The following BCL9L variants were observed in gnomAD, a reference collection of about 807,000 sequenced individuals.
BCL9L encodes BCL9 like, also known as B-cell CLL/lymphoma 9-like protein.
Under a neutral mutation model 99.4 loss-of-function variants are expected in BCL9L, and 19 were observed. That is an observed-to-expected ratio of 0.19 (90% CI 0.13 to 0.28). The LOEUF (loss-of-function observed/expected upper bound fraction) is 0.28. Among genes scored for constraint, BCL9L ranks in the 10% least tolerant of loss-of-function variants. The pLI, the probability that BCL9L is intolerant of heterozygous loss-of-function variation, is 1.00. For missense variants in BCL9L, 2,023 were observed against 2,101.6 expected (o/e 0.96, Z 0.73); for synonymous variants, 900 against 854.8 (o/e 1.05, Z -0.92).
Position 118,903,334 on chromosome 11 carries a change from A to C in BCL9L, c.651T>G (p.Leu217=). Residue 217 remains leucine (L), a synonymous_variant, in exon 6 of 10, where the codon CTT becomes CTG. Coordinates refer to ENST00000683865, the MANE Select transcript of BCL9L (RefSeq NM_001378213.1). The surrounding 1 kb of genome is among the most constrained non-coding windows in gnomAD (Gnocchi z 5.6). ...CCCCGCCCCCAGGGGCATCAGGCCGAAGGCCAGGAGGAGGGCCGTGCGGGG... is the reference window on the plus strand; with the variant it reads ...CCCCGCCCCCAGGGGCATCAGGCCGCAGGCCAGGAGGAGGGCCGTGCGGGG... ...PGAPHGPPPG[L]RPDAPGGGGG... 6.3e-7 allele frequency: 1 copy of C among 1,592,174 alleles called. No individual in the cohort carries two copies. The highest frequency in any genetic ancestry group is 8.5e-7 in the Non-Finnish European group (1 of 1,170,472).
In BCL9L at chr11:118,900,688, C is replaced by G. The variant is rs752033363; in HGVS notation, c.3055G>C (p.Gly1019Arg). The change falls in exon 8 of 10, where the codon GGG becomes CGG. Residue 1019 changes from glycine to arginine, a missense_variant. Transcript: ENST00000683865. The surrounding 1 kb of genome is among the most constrained non-coding windows in gnomAD (Gnocchi z 5.3). ...ASPKTAMPSP[G>R]VSQNKQPPLN... ...GGCGGCTGCTTGTTCTGGGAGACCC[C>G]CGGGCTGGGCATGGCCGTCTTAGGT... is the stretch of plus-strand genomic sequence containing the variant. 1.2e-6 allele frequency: 2 copies of G among 1,613,564 alleles called. No homozygotes were observed. The highest frequency in any genetic ancestry group is 1.7e-6 in the Non-Finnish European group (2 of 1,179,964).
Position 118,914,368 on chromosome 11 carries a change from A to C in BCL9L, c.-76-4353T>G, listed in dbSNP as rs1443090383. 6.6e-6 allele frequency among the ~76,000 whole-genome samples: 1 copy of C among 151,980 alleles called. No individual in the cohort carries two copies. The highest frequency in any genetic ancestry group is 2.4e-5 in the African/African-American group (1 of 41,342). Reference sequence around the variant, plus strand: ...GCACAGCCAAGCGCACCACGGTGGGACCTCACCCAGCGCCCGCCCGCCTGC... The same window carrying C: ...GCACAGCCAAGCGCACCACGGTGGGCCCTCACCCAGCGCCCGCCCGCCTGC... On this transcript the variant is annotated intron_variant, in intron 2 of 9. Coordinates refer to ENST00000683865, the MANE Select transcript of BCL9L (RefSeq NM_001378213.1). This position sits in a 1 kb window ranked among gnomAD's most constrained non-coding sequence, Gnocchi z 4.4.
In BCL9L at chr11:118,899,226, G is replaced by T. The variant is rs867443189; in HGVS notation, c.3689C>A (p.Pro1230His). 46 of 1,509,724 alleles carry T rather than the reference G, an allele frequency of 3.0e-5. No homozygotes were observed. The highest frequency in any genetic ancestry group is 4.0e-5 in the Non-Finnish European group (45 of 1,130,400). The allele number at this position is 1,509,724 out of a possible 1,614,324, so 93.5% of individuals were successfully genotyped here. The change falls in exon 10 of 10, where the codon CCT (proline) becomes CAT (histidine). Residue 1230 changes from proline to histidine, a missense_variant. Transcript: ENST00000683865. ...PSSSQMMPFP[P>H]RLQQPHGAMA... is the part of the protein sequence containing the mutation. ...GGCACCATGGGGCTGCTGCAGCCGAGGGGGGAAGGGCATCATCTGGGAGGA... is the reference window on the plus strand; with the variant it reads ...GGCACCATGGGGCTGCTGCAGCCGATGGGGGAAGGGCATCATCTGGGAGGA...
rs1940115186 is a variant in BCL9L, at chr11:118,899,604, C to T, written c.3407-96G>A. 11 of 1,475,348 alleles carry T rather than the reference C, an allele frequency of 7.5e-6. No homozygotes were observed. In the South Asian group the frequency reaches 1.2e-4, roughly 17 times the overall value. 91.4% of individuals were successfully genotyped at this position (1,475,348 alleles called of 1,614,324 possible). A position where few individuals can be genotyped will look rare whatever the true frequency, so the allele number is the denominator to read the frequency against. On this transcript the variant is annotated intron_variant, in intron 9 of 9. Transcript: ENST00000683865. ...TCCCCACTCCCAAGCCAGGGGGTGC[C>T]AGAGGTCAAAGTCTTCACCACTGGC...
Position 118,922,639 on chromosome 11 carries a change from C to T in BCL9L, c.-131+2599G>A, listed in dbSNP as rs1021587339. Among the ~76,000 whole-genome samples the T allele has an allele frequency of 1.3e-5, 2 of 152,012 alleles. No homozygotes were observed. The highest frequency in any genetic ancestry group is 2.4e-5 in the African/African-American group (1 of 41,396). On this transcript the variant is annotated intron_variant, in intron 1 of 9. Coordinates refer to ENST00000683865, the MANE Select transcript of BCL9L (RefSeq NM_001378213.1). The surrounding 1 kb of genome is among the most constrained non-coding windows in gnomAD (Gnocchi z 6.2). ...CTGCCCGCGGCACCCAGCCTGTACC[C>T]GCTTGGCTCCCACGGCTGCCCACTT...
At chr11:118,904,907 C>G (rs144744969) in intron 5 of BCL9L, among the ~76,000 whole-genome samples, 1 of 152,314 alleles carries the variant, frequency 6.6e-6, no homozygotes, top group Non-Finnish European at 1.5e-5. Context: ...AGCTTGAGAG[C>G]TGACCTCAAT....
rs951197036 is a variant in BCL9L at position 118,900,704 on chromosome 11, C to T, written c.3039G>A (p.Thr1013=). 7 of 1,613,894 alleles carry T rather than the reference C, an allele frequency of 4.3e-6. No homozygotes were observed. The highest frequency in any genetic ancestry group is 5.9e-6 in the Non-Finnish European group (7 of 1,180,008). ...GGGAGACCCCCGGGCTGGGCATGGC[C>T]GTCTTAGGTGAGGCAACCCAGCCTG... ...PSPGWVASPK[T]AMPSPGVSQN... The change falls in exon 8 of 10, where the codon ACG becomes ACA. Residue 1013 remains threonine, a synonymous_variant. Coordinates refer to ENST00000683865, the MANE Select transcript of BCL9L (RefSeq NM_001378213.1). The surrounding 1 kb of genome is among the most constrained non-coding windows in gnomAD (Gnocchi z 5.3).
intron 1 of BCL9L, among the ~76,000 whole-genome samples, chr11:118,920,866 G>A (rs1941117949): frequency 6.6e-6 from 1 of 152,150 alleles, no homozygotes; most frequent in Non-Finnish European, 1.5e-5. Flanking sequence ...CCTATCAAAG[G>A]GCAGAGGACT....
chr11:118,908,459 C>G lies in BCL9L; in HGVS notation c.223G>C (p.Val75Leu), dbSNP rs201676731. The G allele has an allele frequency of 6.2e-7, 1 of 1,614,138 alleles. No individual in the cohort carries two copies. Among genetic ancestry groups the G allele is most frequent in the Non-Finnish European group, 8.5e-7 (1 of 1,179,990 alleles). Residue 75 changes from valine to leucine, a missense_variant, in exon 4 of 10, where the codon GTG becomes CTG. By Grantham distance (32) the Val-to-Leu change is conservative (BLOSUM62 1). Transcript: ENST00000683865. ...GPTCNVGSKG[V>L]GAGNHGAKAN... ...TTGGCCCCATGGTTCCCCGCCCCCA[C>G]GCCCTTCGAGCCCACGTTGCAGGTG... is the stretch of plus-strand genomic sequence containing the variant.
At chr11:118,906,099 T>A (rs951064336) in intron 5 of BCL9L, among the ~76,000 whole-genome samples, 9 of 151,704 alleles carry the variant, frequency 5.9e-5, no homozygotes, top group Admixed American at 5.9e-4. Flanking sequence ...GAGTCTGAGA[T>A]GGGAGGATCA....
At chr11:118,913,245 A>C (rs905489137) in intron 2 of BCL9L, among the ~76,000 whole-genome samples, 8 of 151,882 alleles carry the variant, frequency 5.3e-5, no homozygotes, top group African/African-American at 1.9e-4. Context: ...GCCCCACCCC[A>C]CCTGCAGCCC....
rs777394186 is a variant in BCL9L at position 118,903,095 on chromosome 11, G to A, written c.750-21C>T. On this transcript the variant is annotated intron_variant, in intron 6 of 9. Coordinates refer to ENST00000683865, the MANE Select transcript of BCL9L (RefSeq NM_001378213.1). This position sits in a 1 kb window ranked among gnomAD's most constrained non-coding sequence, Gnocchi z 5.6. ...CAGCCCTGCACAGAGTGGGGGCACC[G>A]ACAGCTCAGAGAGGTGAGCAGGAGG... The A allele has an allele frequency of 4.8e-5, 75 of 1,560,452 alleles. No homozygotes were observed. The highest frequency in any genetic ancestry group is 2.6e-4 in the South Asian group (22 of 85,466).
chr11:118,901,755 T>A lies in BCL9L; in HGVS notation c.1988A>T (p.Gln663Leu). Residue 663 changes from glutamine to leucine, a missense_variant, in exon 8 of 10, where the codon CAG becomes CTG. Around this residue, in one of 3 missense-constraint regions of BCL9L, gnomAD observed 1,116 missense variants for 1,194.6 expected, o/e 0.93. Coordinates refer to ENST00000683865, the MANE Select transcript of BCL9L (RefSeq NM_001378213.1). The surrounding 1 kb of genome is among the most constrained non-coding windows in gnomAD (Gnocchi z 6.6). ...AQNTMPYPGG[Q>L]GEAERFMTPR... ...AGTCATGAATCGCTCCGCCTCACCC[T>A]GCCCACCTGGGTAGGGCATGGTGTT... The A allele has an allele frequency of 1.2e-6, 2 of 1,612,692 alleles. No individual in the cohort carries two copies. Among genetic ancestry groups the A allele is most frequent in the Non-Finnish European group, 8.5e-7 (1 of 1,179,018 alleles).
Position 118,901,749 on chromosome 11 carries a change from T to C in BCL9L, c.1994A>G (p.Glu665Gly), listed in dbSNP as rs1591979718. The C allele has an allele frequency of 1.2e-6, 2 of 1,612,816 alleles. No individual in the cohort carries two copies. The highest frequency in any genetic ancestry group is 1.1e-5 in the South Asian group (1 of 91,036). ...NTMPYPGGQG[E>G]AERFMTPRVR... Reference sequence around the variant, plus strand: ...CCGGGGAGTCATGAATCGCTCCGCCTCACCCTGCCCACCTGGGTAGGGCAT... The same window carrying C: ...CCGGGGAGTCATGAATCGCTCCGCCCCACCCTGCCCACCTGGGTAGGGCAT... Residue 665 changes from glutamate to glycine, a missense_variant, in exon 8 of 10, where the codon GAG becomes GGG. Coordinates refer to ENST00000683865, the MANE Select transcript of BCL9L (RefSeq NM_001378213.1). The surrounding 1 kb of genome is among the most constrained non-coding windows in gnomAD (Gnocchi z 6.6).
chr11:118,911,919 A>T (rs774029272), intron 2 of BCL9L, among the ~76,000 whole-genome samples: 1 of 152,232 alleles, frequency 6.6e-6, no homozygotes, highest in Admixed American at 6.5e-5. Context: ...AGAACCTGTA[A>T]GAATTTGGGA....
In BCL9L at chr11:118,902,719, C is replaced by T. The variant is rs749347009; in HGVS notation, c.1024G>A (p.Ala342Thr). Residue 342 changes from alanine (A) to threonine (T), a missense_variant, in exon 8 of 10, where the codon GCC becomes ACC. Transcript: ENST00000683865. This position sits in a 1 kb window ranked among gnomAD's most constrained non-coding sequence, Gnocchi z 7.8. ...QDLAPNSVGA[A>T]STGGGTGGTH... The stretch of plus-strand genomic sequence containing the variant: ...CCCCCAGTCCCACCACCTGTGCTGG[C>T]AGCTCCCACCGAGTTGGGGGCCAGG... 1.3e-6 allele frequency: 2 copies of T among 1,598,104 alleles called. No homozygotes were observed. Among genetic ancestry groups the T allele is most frequent in the Non-Finnish European group, 1.7e-6 (2 of 1,179,248 alleles).
chr11:118,900,950 G>A lies in BCL9L; in HGVS notation c.2793C>T (p.His931=). Reference sequence around the variant, plus strand: ...CCTGGCTAAGGGTGGGCGACTTCAAGTGCCCCATGCCCGGTGAGCCCATCT... The same window carrying A: ...CCTGGCTAAGGGTGGGCGACTTCAAATGCCCCATGCCCGGTGAGCCCATCT... ...INQMGSPGMG[H]LKSPTLSQVH... The change falls in exon 8 of 10, where the codon CAC becomes CAT. Residue 931 remains histidine, a synonymous_variant. Transcript: ENST00000683865. This position sits in a 1 kb window ranked among gnomAD's most constrained non-coding sequence, Gnocchi z 5.3. 6.4e-7 allele frequency: 1 copy of A among 1,556,160 alleles called. No individual in the cohort carries two copies. The highest frequency in any genetic ancestry group is 8.7e-7 in the Non-Finnish European group (1 of 1,148,822).
rs1940915370 is a variant in BCL9L at position 118,914,809 on chromosome 11, G to T, written c.-77+4017C>A. On this transcript the variant is annotated intron_variant, in intron 2 of 9. Coordinates refer to ENST00000683865, the MANE Select transcript of BCL9L (RefSeq NM_001378213.1). This position sits in a 1 kb window ranked among gnomAD's most constrained non-coding sequence, Gnocchi z 4.4. ...TGGTGGCCTCGCCCTCTGAGGTTGG[G>T]GCCCTGGCAGGCAGTATGATGCAGT... Among the ~76,000 whole-genome samples, 2 of 152,204 alleles carry T rather than the reference G, an allele frequency of 1.3e-5. No individual in the cohort carries two copies. Among genetic ancestry groups the T allele is most frequent in the African/African-American group, 4.8e-5 (2 of 41,442 alleles).
In BCL9L at chr11:118,898,915, T is replaced by C. The variant is rs1208698048; in HGVS notation, c.4000A>G (p.Lys1334Glu). 1 of 1,613,082 alleles carries C rather than the reference T, an allele frequency of 6.2e-7. No homozygotes were observed. Among genetic ancestry groups the C allele is most frequent in the African/African-American group, 1.3e-5 (1 of 74,886 alleles). The change falls in exon 10 of 10, where the codon AAG becomes GAG. Residue 1334 changes from lysine (K) to glutamate (E), a missense_variant. This residue lies in a region of BCL9L where 902 missense variants were observed against 888.2 expected (regional missense o/e 1.02). Transcript: ENST00000683865. Reference protein sequence around the residue: ...FDLSRIIPSEKPSSTLQYFPK... With the variant: ...FDLSRIIPSEEPSSTLQYFPK... ...AAGTACTGGAGGGTGCTGCTTGGCT[T>C]CTCAGAGGGGATGATCCTCGACAAG...
Sources: gnomAD v4.1 joint callset for allele counts (sites outside exome capture counted in the v4.1 genomes callset) on GRCh38, gnomAD v4.1.1 for gene constraint, gnomAD v4.1.1 regional missense constraint, Gnocchi (gnomAD v3.1) non-coding constraint, MANE v1.5 for transcripts, NCBI Gene and HGNC (gene_info 2026-07-23, HGNC 2026-07-21) for gene names.